Variants in ZFAND3 observed in about 807,000 individuals in gnomAD.
ZFAND3 encodes the protein AN1-type zinc finger protein 3.
ZFAND3 carries 10 observed loss-of-function variants against 29.6 expected under a neutral mutation model. The observed-to-expected ratio is 0.34, with a 90% CI of 0.21 to 0.57. The LOEUF is 0.57. Among genes scored for constraint, ZFAND3 ranks in the 20% least tolerant of loss-of-function variants. ZFAND3 has a pLI of 0.86. For missense variants in ZFAND3, 230 were observed against 304.5 expected (o/e 0.76, Z 1.82); for synonymous variants, 128 against 112.6 (o/e 1.14, Z -0.87).
In ZFAND3 at chr6:38,029,461, G is replaced by A. The variant is rs533561544; in HGVS notation, c.113-32132G>A. The stretch of plus-strand genomic sequence containing the variant: ...TTGGGTAATGAAATGTCTTCCTTGT[G>A]ATTTCTTTTCTTTCTCTTAAGTATT... On this transcript the variant is annotated intron_variant, in intron 2 of 5. Transcript: ENST00000287218. 3.9e-5 allele frequency among the ~76,000 whole-genome samples: 6 copies of A among 152,234 alleles called. No individual in the cohort carries two copies. In the East Asian group the frequency reaches 9.7e-4, roughly 25 times the overall value.
chr6:37,932,925 G>A (rs777731851), intron 2 of ZFAND3, among the ~76,000 whole-genome samples: 8 of 152,100 alleles, frequency 5.3e-5, no homozygotes, highest in Admixed American at 2.0e-4. Context: ...TTGCATTTGC[G>A]TGGCATGACT....
chr6:37,931,174 G>C (rs1286179990), intron 2 of ZFAND3, among the ~76,000 whole-genome samples: 1 of 152,214 alleles, frequency 6.6e-6, no homozygotes, highest in Non-Finnish European at 1.5e-5. Flanking sequence ...ACACTCCTGA[G>C]TTGTAGGAGT....
chr6:37,863,213 G>C (rs1055431300), intron 1 of ZFAND3, among the ~76,000 whole-genome samples: 6 of 152,212 alleles, frequency 3.9e-5, no homozygotes, highest in Non-Finnish European at 5.9e-5. Flanking sequence ...AGGCAAGTCT[G>C]CAACTCCCTG....
At chr6:38,148,069 TGTA>T (rs1281314730) in intron 5 of ZFAND3, among the ~76,000 whole-genome samples, 3 of 152,192 alleles carry the variant, frequency 2.0e-5, no homozygotes, top group African/African-American at 7.2e-5. Context: ...TAGGTTTTCT[TGTA>T]GTATTCTTAC....
At chr6:38,146,096 G>A (rs1239707195) in intron 5 of ZFAND3, among the ~76,000 whole-genome samples, 2 of 152,216 alleles carry the variant, frequency 1.3e-5, no homozygotes, top group Non-Finnish European at 2.9e-5. Context: ...CGGGATGACA[G>A]CCTTCGGTGG....
At chr6:37,933,712 C>T (rs933647914) in intron 2 of ZFAND3, among the ~76,000 whole-genome samples, 3 of 152,126 alleles carry the variant, frequency 2.0e-5, no homozygotes, top group Non-Finnish European at 4.4e-5. Context: ...TTGCTAAAGA[C>T]TCGAAGCTCA....
chr6:37,847,528 C>T (rs553981023), intron 1 of ZFAND3, among the ~76,000 whole-genome samples: 15 of 152,262 alleles, frequency 9.9e-5, no homozygotes, highest in South Asian at 6.2e-4. Context: ...GAGCCGAGAT[C>T]GCGCCACTGC....
At chr6:38,113,426 A>G (rs1274779561) in intron 4 of ZFAND3, among the ~76,000 whole-genome samples, 2 of 152,226 alleles carry the variant, frequency 1.3e-5, no homozygotes, top group African/African-American at 4.8e-5. Context: ...GCCTACCAGA[A>G]CAAATAACTC....
At chr6:37,985,488 T>A (rs1156555354) in intron 2 of ZFAND3, among the ~76,000 whole-genome samples, 2 of 129,988 alleles carry the variant, frequency 1.5e-5, no homozygotes, top group Non-Finnish European at 3.2e-5. Flanking sequence ...TGGTGGCACG[T>A]GCTTGTGGTT....
intron 2 of ZFAND3, among the ~76,000 whole-genome samples, chr6:37,955,213 C>T (rs1346572721): frequency 6.6e-6 from 1 of 151,582 alleles, no homozygotes; most frequent in Admixed American, 6.6e-5. Flanking sequence ...TATTGAAAAC[C>T]GTTTGATACA....
chr6:38,117,930 A>G (rs1356593875), intron 5 of ZFAND3, among the ~76,000 whole-genome samples: 1 of 152,210 alleles, frequency 6.6e-6, no homozygotes, highest in South Asian at 2.1e-4. Flanking sequence ...TCCTGTTTTG[A>G]CCAGATACCT....
At chr6:38,003,785 C>T (rs748724593) in intron 2 of ZFAND3, 1 of 450,582 alleles carries the variant, frequency 2.2e-6, no homozygotes, top group South Asian at 1.6e-5. Flanking sequence ...GGATTACAGG[C>T]GAGAGCTACA....
intron 2 of ZFAND3, among the ~76,000 whole-genome samples, chr6:37,994,601 ATATT>A (rs1344790438): frequency 1.3e-5 from 2 of 152,160 alleles, no homozygotes; most frequent in East Asian, 3.9e-4. Flanking sequence ...CAGGCTGTCT[ATATT>A]TATCAAATAC....
intron 1 of ZFAND3, among the ~76,000 whole-genome samples, chr6:37,915,103 G>A (rs968937138): frequency 3.9e-5 from 6 of 152,176 alleles, no homozygotes; most frequent in African/African-American, 1.2e-4. Flanking sequence ...GCTTCACCTT[G>A]CATTTTTGTT....
intron 4 of ZFAND3, among the ~76,000 whole-genome samples, chr6:38,103,524 C>CGTGT (rs80311082): frequency 2.6e-5 from 1 of 38,000 alleles, no homozygotes; most frequent in East Asian, 3.8e-4. Context: ...TATATATACA[C>CGTGT]ATATATATAC....
At chr6:38,103,679 G>A (rs9470777) in intron 4 of ZFAND3, among the ~76,000 whole-genome samples, 18,037 of 151,924 alleles carry the variant, frequency 0.12, 1,331 homozygotes, top group East Asian at 0.29. Context: ...AACACTGTAC[G>A]AACACTGTAC....
At chr6:37,820,400 C>T (rs1326661933) in intron 1 of ZFAND3, among the ~76,000 whole-genome samples, 1 of 152,186 alleles carries the variant, frequency 6.6e-6, no homozygotes, top group Non-Finnish European at 1.5e-5. Flanking sequence ...CCTCCCGGGG[C>T]GTGAGTTGGT....
chr6:38,054,514 AAG>A (rs1306136979), intron 2 of ZFAND3, among the ~76,000 whole-genome samples: 1 of 151,950 alleles, frequency 6.6e-6, no homozygotes, highest in Non-Finnish European at 1.5e-5. Context: ...TAATTTTTGA[AAG>A]AGAAAAAAAT....
chr6:37,841,546 C>T lies in ZFAND3; in HGVS notation c.71+21530C>T, dbSNP rs371582625. Among the ~76,000 whole-genome samples the T allele has an allele frequency of 5.9e-5, 9 of 152,224 alleles. No homozygotes were observed. The South Asian group carries it at 1.2e-3, about 21-fold the overall frequency. ...TTGCCCAGGCTGGAGTGCGGTGGCG[C>T]GAACTTGGCTCACTGCAAGCTCTGC... On this transcript the variant is annotated intron_variant, in intron 1 of 5. Transcript: ENST00000287218.
Sources: gnomAD v4.1 joint callset for allele counts (sites outside exome capture counted in the v4.1 genomes callset) on GRCh38, gnomAD v4.1.1 for gene constraint, MANE v1.5 for transcripts, NCBI Gene and HGNC (gene_info 2026-07-23, HGNC 2026-07-21) for gene names.